The following TMEM131 variants were observed in gnomAD, a reference collection of about 807,000 sequenced individuals.
TMEM131 encodes the protein 2610524E03Rik.
TMEM131 carries 66 observed loss-of-function variants against 211.6 expected under a neutral mutation model. That is an observed-to-expected ratio of 0.31 (90% CI 0.26 to 0.38). The LOEUF (loss-of-function observed/expected upper bound fraction) is 0.38, where lower values mean the gene tolerates loss of function less well. Ranked by LOEUF, TMEM131 falls within the 10% of genes least tolerant of loss-of-function variation. The pLI, the probability that TMEM131 is intolerant of heterozygous loss-of-function variation, is 1.00. For synonymous variants in TMEM131, 844 were observed against 841.3 expected (o/e 1.00, Z -0.06); for missense variants, 2,036 against 2,299.3 (o/e 0.89, Z 2.34).
intron 11 of TMEM131, among the ~76,000 whole-genome samples, chr2:97,819,139 A>C (rs1681991912): frequency 6.6e-6 from 1 of 152,248 alleles, no homozygotes; most frequent in Non-Finnish European, 1.5e-5. Flanking sequence ...ATAAACATGA[A>C]CTTGGAAGCT....
intron 31 of TMEM131, among the ~76,000 whole-genome samples, chr2:97,781,810 T>C (rs950753432): frequency 6.6e-6 from 1 of 151,944 alleles, no homozygotes; most frequent in Admixed American, 6.6e-5. Context: ...ACACATCCAC[T>C]CAGAAACACC....
chr2:97,980,039 C>G (rs557011614), intron 1 of TMEM131, among the ~76,000 whole-genome samples: 14 of 152,132 alleles, frequency 9.2e-5, no homozygotes, highest in African/African-American at 3.4e-4. Context: ...TGAGGAGGGG[C>G]GAGAAGTGGG....
intron 25 of TMEM131, 120 bp downstream of exon 25, chr2:97,801,775 A>G: frequency 1.6e-6 from 1 of 645,098 alleles, no homozygotes; most frequent in South Asian, 2.7e-5. Context: ...GACTGCTCTG[A>G]CTTCTTCAGT....
intron 10 of TMEM131, 26 bp downstream of exon 10, chr2:97,834,593 TAA>T: frequency 6.8e-7 from 1 of 1,468,018 alleles, no homozygotes; most frequent in Non-Finnish European, 9.1e-7. Flanking sequence ...AAAAACTCCA[TAA>T]AGACTCTTTT....
intron 1 of TMEM131, among the ~76,000 whole-genome samples, chr2:97,968,546 G>C (rs573994020): frequency 1.3e-5 from 2 of 152,118 alleles, no homozygotes; most frequent in African/African-American, 4.8e-5. Flanking sequence ...CGGAAAATGA[G>C]TTCTCCCTTT....
At chr2:97,970,970 G>C (rs2104601546) in intron 1 of TMEM131, among the ~76,000 whole-genome samples, 1 of 152,186 alleles carries the variant, frequency 6.6e-6, no homozygotes, top group Admixed American at 6.5e-5. Context: ...TATGGTGGGG[G>C]GAGTATAAAG....
At chr2:97,976,030 AAAC>A (rs1347733848) in intron 1 of TMEM131, among the ~76,000 whole-genome samples, 9 of 152,296 alleles carry the variant, frequency 5.9e-5, no homozygotes, top group Middle Eastern at 3.4e-3. Flanking sequence ...AACTCTCTTC[AAAC>A]AAGACATAAA....
intron 4 of TMEM131, among the ~76,000 whole-genome samples, chr2:97,879,259 A>G (rs541689235): frequency 1.1e-4 from 16 of 152,264 alleles, no homozygotes; most frequent in African/African-American, 3.6e-4. Flanking sequence ...GAATAAGCCA[A>G]TACATAGACA....
intron 1 of TMEM131, among the ~76,000 whole-genome samples, chr2:97,987,736 AG>A (rs1316489275): frequency 6.6e-6 from 1 of 152,222 alleles, no homozygotes; most frequent in Non-Finnish European, 1.5e-5. Context: ...GACATCAAAA[AG>A]AATAAAATAC....
Position 97,866,460 on chromosome 2 carries a change from A to ATTCGATCTTT in TMEM131, c.360-7043_360-7034dup, listed in dbSNP as rs1343193646. Among the ~76,000 whole-genome samples the ATTCGATCTTT allele has an allele frequency of 1.1e-4, 17 of 152,328 alleles. No individual in the cohort carries two copies. In the East Asian group the frequency reaches 3.3e-3, roughly 29 times the overall value. ...GGTCAGTATAGCTAAAGGTTTGACA[A>ATTCGATCTTT]TTCGATCTTTTCAAAGAACCAACTT... On this transcript the variant is annotated intron_variant, in intron 4 of 40. Transcript: ENST00000186436.
intron 3 of TMEM131, among the ~76,000 whole-genome samples, chr2:97,907,843 G>A (rs1676135794): frequency 6.6e-6 from 1 of 152,188 alleles, no homozygotes; most frequent in Non-Finnish European, 1.5e-5. Flanking sequence ...CACTAGAACA[G>A]GTACTGGTGC....
At position 97,795,148 on chromosome 2, in the gene TMEM131, T is replaced by C. The variant is rs1559364161; in HGVS notation, c.3201-33A>G. On this transcript the variant is annotated intron_variant, in intron 28 of 40. Coordinates refer to ENST00000186436, the MANE Select transcript of TMEM131 (RefSeq NM_015348.2). The stretch of plus-strand genomic sequence containing the variant: ...AGAATGATGGTAGTAAGGCTAAGTT[T>C]TAAAAATATCTCACAAGCAGTCTGC... 5 of 1,537,156 alleles carry C rather than the reference T, an allele frequency of 3.3e-6. No homozygotes were observed. The African/African-American group carries it at 4.1e-5, about 13-fold the overall frequency.
chr2:97,943,065 G>GA lies in TMEM131; in HGVS notation c.188-15579dup, dbSNP rs1231063944. ...AGAAAGAAAGAAAGAAAGAAAGAAAGAAAGAAAGAAAGAAAGAAAGAAAGA... is the reference window on the plus strand; with the variant it reads ...AGAAAGAAAGAAAGAAAGAAAGAAAGAAAAGAAAGAAAGAAAGAAAGAAAGA... On this transcript the variant is annotated intron_variant, in intron 1 of 40. Transcript: ENST00000186436. Among the ~76,000 whole-genome samples, 34 of 92,176 alleles carry GA rather than the reference G, an allele frequency of 3.7e-4. 2 individuals carry two copies. The highest frequency in any genetic ancestry group is 1.2e-3 in the Admixed American group (11 of 8,898). 60.5% of individuals were successfully genotyped at this position (92,176 alleles called of 152,430 possible). A position where few individuals can be genotyped will look rare whatever the true frequency, so the allele number is the denominator to read the frequency against.
chr2:97,901,722 T>TA (rs1373080119), intron 3 of TMEM131, among the ~76,000 whole-genome samples: 2 of 152,244 alleles, frequency 1.3e-5, no homozygotes, highest in South Asian at 2.1e-4. Flanking sequence ...AGAAGGGAGC[T>TA]AAAAAAGTTT....
At chr2:97,831,196 G>C (rs947673643) in intron 11 of TMEM131, among the ~76,000 whole-genome samples, 10 of 152,178 alleles carry the variant, frequency 6.6e-5, no homozygotes, top group Non-Finnish European at 1.2e-4. Flanking sequence ...TCTCCACAAA[G>C]TAGCTACAGT....
At chr2:97,994,014 G>A (rs1680375897) in intron 1 of TMEM131, among the ~76,000 whole-genome samples, 1 of 152,210 alleles carries the variant, frequency 6.6e-6, no homozygotes, top group Non-Finnish European at 1.5e-5. Flanking sequence ...AGTGTGTCTG[G>A]CACTGTGCAA....
At chr2:97,865,061 C>T (rs2105199267) in intron 4 of TMEM131, among the ~76,000 whole-genome samples, 1 of 152,314 alleles carries the variant, frequency 6.6e-6, no homozygotes, top group East Asian at 1.9e-4. Flanking sequence ...AAATATGGGG[C>T]AATCAATAGT....
At chr2:97,816,158 T>C (rs1237270955) in intron 12 of TMEM131, among the ~76,000 whole-genome samples, 2 of 152,002 alleles carry the variant, frequency 1.3e-5, no homozygotes, top group African/African-American at 2.4e-5. Flanking sequence ...CTGGCCAACA[T>C]GGTGAAACCC....
chr2:97,794,328 G>T (rs1680658171), intron 29 of TMEM131, among the ~76,000 whole-genome samples: 1 of 152,150 alleles, frequency 6.6e-6, no homozygotes, highest in Non-Finnish European at 1.5e-5. Context: ...GAGCCACCGT[G>T]CCCGGCCTGC....
Sources: gnomAD v4.1 joint callset for allele counts (sites outside exome capture counted in the v4.1 genomes callset) on GRCh38, gnomAD v4.1.1 for gene constraint, MANE v1.5 for transcripts, NCBI Gene and HGNC (gene_info 2026-07-23, HGNC 2026-07-21) for gene names.